Variants in DOCK1 observed in about 807,000 individuals in gnomAD.
The protein encoded by DOCK1 is dedicator of cytokinesis 1.
A neutral mutation model predicts 262.7 loss-of-function variants in DOCK1; 138 were observed. That is an observed-to-expected ratio of 0.53 (90% confidence interval 0.46 to 0.61). The LOEUF is 0.61. DOCK1 is among the 20% of genes least tolerant of loss of function. The probability of loss-of-function intolerance (pLI) is 0.00; values close to 1 mark genes in which losing one functional copy is unlikely to be tolerated. For missense variants in DOCK1, 1,908 were observed against 2,370.7 expected (o/e 0.80, Z 4.05); for synonymous variants, 866 against 867.4 (o/e 1.00, Z 0.03).
At chr10:127,226,116 T>C (rs186717386) in intron 27 of DOCK1, among the ~76,000 whole-genome samples, 2 of 151,740 alleles carry the variant, frequency 1.3e-5, no homozygotes, top group East Asian at 1.9e-4. Context: ...TAATAGCATA[T>C]GCTTCTCCTT....
chr10:127,284,294 T>C (rs1054855878), intron 29 of DOCK1, among the ~76,000 whole-genome samples: 1 of 152,170 alleles, frequency 6.6e-6, no homozygotes, highest in Non-Finnish European at 1.5e-5. Context: ...TTGTTTTTAT[T>C]ATTTTACATA....
intron 27 of DOCK1, among the ~76,000 whole-genome samples, chr10:127,229,003 C>T (rs578133676): frequency 6.6e-6 from 1 of 152,056 alleles, no homozygotes; most frequent in Non-Finnish European, 1.5e-5. Flanking sequence ...GAGGCTTAGG[C>T]GGGTGGATCA....
rs1177663560 is a variant in DOCK1 at position 126,915,731 on chromosome 10, G to A, written c.46+10168G>A. On this transcript the variant is annotated intron_variant, in intron 1 of 51. Transcript: ENST00000623213. ...CTCCCAAAGTGCTGGGATTACAGGC[G>A]TGAGCCACCGTGCCTGGCCTCAGTG... 6.6e-5 allele frequency among the ~76,000 whole-genome samples: 10 copies of A among 152,264 alleles called. No homozygotes were observed. In the Middle Eastern group the frequency reaches 0.01, roughly 155 times the overall value.
intron 27 of DOCK1, among the ~76,000 whole-genome samples, chr10:127,161,538 A>G (rs2053594182): frequency 6.6e-6 from 1 of 152,156 alleles, no homozygotes; most frequent in Admixed American, 6.5e-5. Flanking sequence ...AAGAGCACAA[A>G]TTGTGACCCT....
rs56689236 is a variant in DOCK1, at chr10:127,268,503, CAAAAAAAAAAA to C, written c.3044+11083_3044+11093del. Among the ~76,000 whole-genome samples, 4 of 70,152 alleles carry C rather than the reference CAAAAAAAAAAA, an allele frequency of 5.7e-5. No individual in the cohort carries two copies. The East Asian group carries it at 1.5e-3, about 26-fold the overall frequency. The allele number at this position is 70,152 out of a possible 152,430, so 46.0% of individuals were successfully genotyped here. On this transcript the variant is annotated intron_variant, in intron 29 of 51. Coordinates refer to ENST00000623213, the MANE Select transcript of DOCK1 (RefSeq NM_001290223.2). Reference sequence around the variant, plus strand: ...TGGGTGACAGACCGAGACTCCACCTCAAAAAAAAAAAAAAAAAAAGAAGAGGAAAGAAAGAA... The same window carrying C: ...TGGGTGACAGACCGAGACTCCACCTCAAAAAAAAGAAGAGGAAAGAAAGAA...
intron 1 of DOCK1, among the ~76,000 whole-genome samples, chr10:126,923,538 C>G (rs1039026085): frequency 1.1e-4 from 16 of 151,626 alleles, no homozygotes; most frequent in Non-Finnish European, 1.3e-4. Flanking sequence ...GCAGGAGAAT[C>G]GCTTGAACCC....
At chr10:127,214,718 C>G (rs377390989) in intron 27 of DOCK1, among the ~76,000 whole-genome samples, 1 of 152,068 alleles carries the variant, frequency 6.6e-6, no homozygotes, top group East Asian at 1.9e-4. Flanking sequence ...GATTGCCAGG[C>G]CAACAGGTCC....
intron 25 of DOCK1, among the ~76,000 whole-genome samples, chr10:127,113,139 T>C (rs1035925881): frequency 6.6e-6 from 1 of 152,184 alleles, no homozygotes; most frequent in Non-Finnish European, 1.5e-5. Context: ...TTTTTTCCTG[T>C]TTCTTGTTAA....
chr10:127,134,736 C>G (rs2050545162), intron 27 of DOCK1, among the ~76,000 whole-genome samples: 1 of 152,048 alleles, frequency 6.6e-6, no homozygotes, highest in South Asian at 2.1e-4. Flanking sequence ...GAATCCCCTT[C>G]TTCTCCCTGA....
At chr10:127,310,118 G>T (rs1017000738) in intron 29 of DOCK1, among the ~76,000 whole-genome samples, 4 of 152,002 alleles carry the variant, frequency 2.6e-5, no homozygotes, top group African/African-American at 7.3e-5. Flanking sequence ...CAAGTGATCC[G>T]CCTGCCTTAG....
At chr10:127,262,100 C>T (rs1346848982) in intron 29 of DOCK1, among the ~76,000 whole-genome samples, 1 of 94,294 alleles carries the variant, frequency 1.1e-5, no homozygotes, top group Non-Finnish European at 2.1e-5. Flanking sequence ...ACCCGTGCTC[C>T]TCTGTGTGCA....
chr10:127,125,334 A>G, intron 25 of DOCK1, 140 bp from the exon 26 acceptor site: 1 of 1,139,802 alleles, frequency 8.8e-7, no homozygotes, highest in East Asian at 2.6e-5. Context: ...CAGTCAAGTA[A>G]TTGACCCCCC....
At chr10:127,022,741 CTT>C (rs1461765384) in intron 13 of DOCK1, among the ~76,000 whole-genome samples, 2 of 152,142 alleles carry the variant, frequency 1.3e-5, no homozygotes, top group Non-Finnish European at 2.9e-5. Flanking sequence ...TGGAGTCATG[CTT>C]TTAAGAAGAA....
At chr10:126,942,504 C>G (rs943774191) in intron 1 of DOCK1, among the ~76,000 whole-genome samples, 1 of 152,192 alleles carries the variant, frequency 6.6e-6, no homozygotes, top group East Asian at 1.9e-4. Flanking sequence ...TAGAATAAAT[C>G]GTGAAGACCT....
Position 126,948,756 on chromosome 10 carries a change from C to T in DOCK1, c.47-21946C>T, listed in dbSNP as rs890965063. Among the ~76,000 whole-genome samples, 33 of 152,168 alleles carry T rather than the reference C, an allele frequency of 2.2e-4. 1 individual carries two copies. The highest frequency in any genetic ancestry group is 4.4e-4 in the Non-Finnish European group (30 of 68,002). On this transcript the variant is annotated intron_variant, in intron 1 of 51. Coordinates refer to ENST00000623213, the MANE Select transcript of DOCK1 (RefSeq NM_001290223.2). The stretch of plus-strand genomic sequence containing the variant: ...GCCATCCAGCCTGGATCCCAAGCTT[C>T]CCCTCCCTGGAATCATTGTGAGCTG...
chr10:126,975,083 A>G, intron 2 of DOCK1, among the ~76,000 whole-genome samples: 1 of 152,014 alleles, frequency 6.6e-6, no homozygotes, highest in Middle Eastern at 3.2e-3. Context: ...TTTGGTGTGC[A>G]TCTGTTTTTA....
intron 27 of DOCK1, among the ~76,000 whole-genome samples, chr10:127,200,901 A>G (rs769028122): frequency 8.5e-5 from 13 of 152,302 alleles, no homozygotes; most frequent in South Asian, 2.1e-4. Context: ...TCCTCACTCA[A>G]AATGGAGTCG....
chr10:127,347,244 T>G (rs1307478692), intron 31 of DOCK1, among the ~76,000 whole-genome samples: 1 of 152,244 alleles, frequency 6.6e-6, no homozygotes, highest in African/African-American at 2.4e-5. Flanking sequence ...CACTCTGTGC[T>G]CAGTCGGGCC....
At chr10:127,123,208 C>T (rs2049723959) in intron 25 of DOCK1, among the ~76,000 whole-genome samples, 1 of 152,144 alleles carries the variant, frequency 6.6e-6, no homozygotes, top group Non-Finnish European at 1.5e-5. Flanking sequence ...GTCACATTGT[C>T]AGGGGCTGTC....
Sources: allele counts gnomAD v4.1 joint callset (sites outside exome capture counted in the v4.1 genomes callset), GRCh38; gene constraint gnomAD v4.1.1; transcripts MANE v1.5; gene names NCBI Gene and HGNC (gene_info 2026-07-23, HGNC 2026-07-21).